Variants in UCP3 observed in about 807,000 individuals in gnomAD.
The protein encoded by UCP3 is uncoupling protein 3, also known as putative mitochondrial transporter UCP3.
Under a neutral mutation model 28.1 loss-of-function variants are expected in UCP3, and 24 were observed. The observed-to-expected ratio is 0.85, with a 90% confidence interval of 0.62 to 1.20. The LOEUF is 1.20. UCP3 is among the 50% of genes most tolerant of loss of function. The pLI is 0.00. For missense variants in UCP3, 397 were observed against 422.2 expected (o/e 0.94, Z 0.52); for synonymous variants, 184 against 171.2 (o/e 1.07, Z -0.59).
At chr11:74,006,142 T>C (rs1158868768) in intron 3 of UCP3, 27 bp downstream of exon 3, 2 of 1,613,204 alleles carry the variant, frequency 1.2e-6, no homozygotes, top group Admixed American at 1.7e-5. Flanking sequence ...AGCCACCCCT[T>C]TGGTGTTCAG....
intron 1 of UCP3, 73 bp downstream of exon 1, chr11:74,008,905 C>T (rs1951686022): frequency 6.6e-6 from 1 of 152,294 alleles, no homozygotes; most frequent in African/African-American, 2.4e-5. Flanking sequence ...CTCTGAAAGC[C>T]TCCAATGAAA....
Position 74,006,971 on chromosome 11 carries a change from G to A in UCP3, c.72C>T (p.Ala24=), listed in dbSNP as rs70965455. The A allele has an allele frequency of 2.7e-4, 432 of 1,614,202 alleles. 3 individuals carry two copies. The East Asian group carries it at 5.9e-3, about 22-fold the overall frequency. The change falls in exon 2 of 7, where the codon GCC becomes GCT. Residue 24 remains alanine (A), a synonymous_variant. Coordinates refer to ENST00000314032, the MANE Select transcript of UCP3 (RefSeq NM_003356.4). ...AVKFLGAGTA[A]CFADLVTFPL... ...GAAAGGTAACGAGGTCAGCAAAACA[G>A]GCTGCTGTGCCTGCCCCCAGGAACT...
At chr11:74,004,132 C>T in intron 5 of UCP3, 125 bp from the exon 6 acceptor site, 1 of 1,485,598 alleles carries the variant, frequency 6.7e-7, no homozygotes, top group South Asian at 1.2e-5. Flanking sequence ...ATATCTCTCA[C>T]AGTGCCCTGG....
At position 74,006,284 on chromosome 11, in the gene UCP3, G is replaced by A. The variant is rs1304947596; in HGVS notation, c.222C>T (p.Pro74=). The A allele has an allele frequency of 6.2e-7, 1 of 1,612,884 alleles. No individual in the cohort carries two copies. Among genetic ancestry groups the A allele is most frequent in the East Asian group, 2.2e-5 (1 of 44,896 alleles). ...CCACCAGCCCATTGTAGGGGCTGCA[G>A]GGACCCTCAGTCCGCACCATGGTCA... ...TILTMVRTEG[P]CSPYNGLVAG... The change falls in exon 3 of 7, where the codon CCC becomes CCT. Residue 74 remains proline (P), a synonymous_variant. Coordinates refer to ENST00000314032, the MANE Select transcript of UCP3 (RefSeq NM_003356.4).
Position 74,006,308 on chromosome 11 carries a change from C to G in UCP3, c.198G>C (p.Leu66=). The part of the protein sequence containing the change: ...VQYRGVLGTI[L]TMVRTEGPCS... ...AGGGACCCTCAGTCCGCACCATGGTCAGGATGGTGCCCAGCACGCCACGGT... is the reference window on the plus strand; with the variant it reads ...AGGGACCCTCAGTCCGCACCATGGTGAGGATGGTGCCCAGCACGCCACGGT... The change falls in exon 3 of 7, where the codon CTG becomes CTC. Residue 66 remains leucine, a synonymous_variant. Coordinates refer to ENST00000314032, the MANE Select transcript of UCP3 (RefSeq NM_003356.4). 6.2e-7 allele frequency: 1 copy of G among 1,610,262 alleles called. No individual in the cohort carries two copies. Among genetic ancestry groups the G allele is most frequent in the Non-Finnish European group, 8.5e-7 (1 of 1,179,342 alleles).
rs775466630 is a variant in UCP3 at position 74,005,864 on chromosome 11, G to A, written c.407C>T (p.Pro136Leu). Reference protein sequence around the residue: ...TGAMAVTCAQPTDVVKVRFQA... With the variant: ...TGAMAVTCAQLTDVVKVRFQA... ...AAATCGGACCTTCACCACATCTGTG[G>A]GCTGGGCACAGGTCACCGCCATGGC... The change falls in exon 4 of 7, where the codon CCC becomes CTC. Residue 136 changes from proline to leucine, a missense_variant. By Grantham distance (98) the Pro-to-Leu change is moderately conservative (BLOSUM62 -3). Transcript: ENST00000314032. 3 of 1,614,188 alleles carry A rather than the reference G, an allele frequency of 1.9e-6. No individual in the cohort carries two copies. Among genetic ancestry groups the A allele is most frequent in the Admixed American group, 1.7e-5 (1 of 60,014 alleles).
In UCP3 at chr11:74,005,763, C is replaced by T. The variant is rs769174792; in HGVS notation, c.508G>A (p.Ala170Thr). The T allele has an allele frequency of 2.2e-5, 36 of 1,614,214 alleles. No homozygotes were observed. The highest frequency in any genetic ancestry group is 2.6e-5 in the Non-Finnish European group (31 of 1,180,034). The change falls in exon 4 of 7, where the codon GCC (alanine) becomes ACC (threonine). Residue 170 changes from alanine (A) to threonine (T), a missense_variant. Coordinates refer to ENST00000314032, the MANE Select transcript of UCP3 (RefSeq NM_003356.4). ...AGGCCCCTGACTCCTTCCTCCCTGGCGATGGTTCTGTAGGCGTCCATAGTC... is the reference window on the plus strand; with the variant it reads ...AGGCCCCTGACTCCTTCCTCCCTGGTGATGGTTCTGTAGGCGTCCATAGTC... ...SGTMDAYRTIAREEGVRGLWK... is the reference protein window; with the variant it reads ...SGTMDAYRTITREEGVRGLWK...
At chr11:74,006,015 G>A in intron 3 of UCP3, 82 bp from the exon 4 acceptor site, 1 of 1,573,462 alleles carries the variant, frequency 6.4e-7, no homozygotes, top group East Asian at 2.3e-5. Flanking sequence ...GGCTGCCCCT[G>A]CAGCTTCCTT....
chr11:74,006,792 C>T, intron 2 of UCP3, 125 bp downstream of exon 2: 1 of 1,482,514 alleles, frequency 6.7e-7, no homozygotes, highest in Non-Finnish European at 9.3e-7. Context: ...GGGTCCTAAG[C>T]AGTGGAGTGA....
At chr11:74,001,995 G>T (rs1951625312) in intron 6 of UCP3, 1 of 231,416 alleles carries the variant, frequency 4.3e-6, no homozygotes, top group African/African-American at 2.3e-5. Flanking sequence ...GGCTTTGCAG[G>T]GTGAATACAG....
At chr11:74,001,703 G>A (rs756417496) in intron 6 of UCP3, 177 bp from the exon 7 acceptor site, 4 of 626,416 alleles carry the variant, frequency 6.4e-6, no homozygotes, top group Non-Finnish European at 1.1e-5. Flanking sequence ...GGGGATTTAG[G>A]CAGAAGTCGG....
chr11:74,005,592 T>G (rs1591236288), intron 4 of UCP3, 138 bp downstream of exon 4: 1 of 994,548 alleles, frequency 1.0e-6, no homozygotes, highest in Non-Finnish European at 1.5e-6. Flanking sequence ...GTCAGTGAAG[T>G]ATCTTTGGTT....
rs570331522 is a variant in UCP3 at position 74,004,160 on chromosome 11, T to C, written c.644-153A>G. Among the ~76,000 whole-genome samples, 5 of 152,326 alleles carry C rather than the reference T, an allele frequency of 3.3e-5. No homozygotes were observed. In the East Asian group the frequency reaches 9.6e-4, roughly 29 times the overall value. ...TGCCCTGGGCTAAGCTCTTGGTAAG[T>C]ACTGGCAAACTAGGCCTGGGCTGAC... On this transcript the variant is annotated intron_variant, in intron 5 of 6. Transcript: ENST00000314032.
intron 6 of UCP3, chr11:74,002,635 G>A (rs976494153): frequency 2.2e-6 from 1 of 455,306 alleles, no homozygotes; most frequent in African/African-American, 2.1e-5. Flanking sequence ...TGCTCTTTGA[G>A]GGAGGCATAA....
intron 2 of UCP3, 83 bp from the exon 3 acceptor site, chr11:74,006,462 C>T (rs181909478): frequency 1.2e-5 from 16 of 1,377,486 alleles, no homozygotes; most frequent in Non-Finnish European, 1.4e-5. Flanking sequence ...TGGGGCTGGG[C>T]CTGCCTGGGC....
At chr11:74,003,275 C>A (rs1469910683) in intron 6 of UCP3, among the ~76,000 whole-genome samples, 1 of 152,144 alleles carries the variant, frequency 6.6e-6, no homozygotes, top group African/African-American at 2.4e-5. Context: ...CTTACAAATA[C>A]TATAATACAA....
At chr11:74,006,845 T>A (rs1378437541) in intron 2 of UCP3, 72 bp downstream of exon 2, 1 of 1,611,754 alleles carries the variant, frequency 6.2e-7, no homozygotes, top group African/African-American at 1.3e-5. Flanking sequence ...TGGGCACACG[T>A]CATGGGGGAT....
rs15763 is a variant in UCP3 at position 74,000,432 on chromosome 11, A to G, written c.*980T>C. The G allele has an allele frequency of 0.7, 102,371 of 145,490 alleles. 36,405 individuals are homozygous for G. The highest frequency in any genetic ancestry group is 0.85 in the East Asian group (4,127 of 4,834). The allele number at this position is 145,490 out of a possible 1,614,324, so 9.0% of individuals were successfully genotyped here. A position where few individuals can be genotyped will look rare whatever the true frequency, so the allele number is the denominator to read the frequency against. ...TCCTTTGAGGTACTCATGATTGAGC[A>G]CGTGGTGGGGGGGGTGGGGAAGAGG... On this transcript the variant is annotated 3_prime_UTR_variant, in exon 7 of 7. Coordinates refer to ENST00000314032, the MANE Select transcript of UCP3 (RefSeq NM_003356.4).
At chr11:74,003,529 C>A in intron 6 of UCP3, 1 of 1,119,054 alleles carries the variant, frequency 8.9e-7, no homozygotes. Context: ...CAGTGTGGTG[C>A]TCAATGGCCA....
Sources: allele counts gnomAD v4.1 joint callset (sites outside exome capture counted in the v4.1 genomes callset), GRCh38; gene constraint gnomAD v4.1.1; transcripts MANE v1.5; gene names NCBI Gene and HGNC (gene_info 2026-07-23, HGNC 2026-07-21).